Variants in SHANK2 observed in about 807,000 individuals in gnomAD.
SHANK2 encodes SH3 and multiple ankyrin repeat domains protein 2.
SHANK2 carries 43 observed loss-of-function variants against 133.7 expected under a neutral mutation model. The observed-to-expected ratio is 0.32, with a 90% CI of 0.25 to 0.41. The LOEUF (loss-of-function observed/expected upper bound fraction) is 0.41, where lower values mean the gene tolerates loss of function less well. Among genes scored for constraint, SHANK2 ranks in the 10% least tolerant of loss-of-function variants. The pLI is 1.00. For missense variants in SHANK2, 1,994 were observed against 2,235.8 expected (o/e 0.89, Z 2.18); for synonymous variants, 1,017 against 952.8 (o/e 1.07, Z -1.24).
chr11:70,738,899 C>A (rs59979231), intron 14 of SHANK2, among the ~76,000 whole-genome samples: 1 of 152,098 alleles, frequency 6.6e-6, no homozygotes, highest in South Asian at 2.1e-4. Flanking sequence ...TGCTGCCCCC[C>A]TCGAATGGAG....
intron 17 of SHANK2, among the ~76,000 whole-genome samples, chr11:70,597,434 G>A (rs4980622): frequency 0.19 from 29,460 of 152,092 alleles, 3,150 homozygotes; most frequent in East Asian, 0.39. Context: ...CCCCCTGAGA[G>A]GCGGCCAGTG....
rs1555100988 is a variant in SHANK2, at chr11:71,119,035, G to T, written c.208-3C>A. 1 of 1,551,526 alleles carries T rather than the reference G, an allele frequency of 6.4e-7. No individual in the cohort carries two copies. The highest frequency in any genetic ancestry group is 2.4e-5 in the East Asian group (1 of 40,922). On this transcript the variant is annotated splice_region_variant and splice_polypyrimidine_tract_variant and intron_variant, in intron 3 of 25. Coordinates refer to ENST00000601538, the MANE Select transcript of SHANK2 (RefSeq NM_012309.5). ...TCCGGGTTAAATCGAATGCATTTCT[G>T]CCAGGAAGGACAAAGACAGCTGATG...
chr11:70,685,209 C>G (rs1469617709), intron 15 of SHANK2, among the ~76,000 whole-genome samples: 2 of 152,150 alleles, frequency 1.3e-5, no homozygotes, highest in African/African-American at 4.8e-5. Context: ...GAAAAAAGCT[C>G]CCAACCTCCA....
chr11:70,531,383 AC>A (rs1207955966), intron 17 of SHANK2, among the ~76,000 whole-genome samples: 1 of 152,108 alleles, frequency 6.6e-6, no homozygotes, highest in African/African-American at 2.4e-5. Context: ...ATGCAAATGC[AC>A]CCACGCGCCC....
At chr11:71,126,851 G>A (rs1237735525) in intron 3 of SHANK2, among the ~76,000 whole-genome samples, 38 of 151,714 alleles carry the variant, frequency 2.5e-4, no homozygotes, top group Non-Finnish European at 5.0e-4. Context: ...GGGACTACAG[G>A]TGCCCACCAC....
chr11:70,654,608 AT>A (rs1486885514), intron 17 of SHANK2, among the ~76,000 whole-genome samples: 3 of 152,062 alleles, frequency 2.0e-5, no homozygotes, highest in African/African-American at 7.2e-5. Flanking sequence ...TCTGGTTGGT[AT>A]TAAGAGCTCC....
At chr11:70,742,653 G>A (rs567780281) in intron 14 of SHANK2, among the ~76,000 whole-genome samples, 20 of 152,278 alleles carry the variant, frequency 1.3e-4, no homozygotes, top group South Asian at 1.2e-3. Flanking sequence ...GGCCCAGGAC[G>A]CGGAATGAAT....
intron 17 of SHANK2, among the ~76,000 whole-genome samples, chr11:70,531,357 G>C: frequency 6.6e-6 from 1 of 152,196 alleles, no homozygotes. Context: ...CACTCTTTGG[G>C]GTCTTGGAGG....
At chr11:71,205,112 T>C (rs1954102757) in intron 2 of SHANK2, among the ~76,000 whole-genome samples, 2 of 152,092 alleles carry the variant, frequency 1.3e-5, no homozygotes, top group Non-Finnish European at 2.9e-5. Context: ...AGCCCTGGAT[T>C]CCGTAGCACC....
At chr11:70,524,997 G>C (rs1182287022) in intron 17 of SHANK2, among the ~76,000 whole-genome samples, 7 of 152,266 alleles carry the variant, frequency 4.6e-5, no homozygotes, top group African/African-American at 1.7e-4. Flanking sequence ...CTGCAAGCCT[G>C]CCCGCTTCTA....
In SHANK2 at chr11:71,211,701, A is replaced by G. The variant is rs1305421275; in HGVS notation, c.-13+12996T>C. On this transcript the variant is annotated intron_variant, in intron 2 of 25. Transcript: ENST00000601538. ...TAGCCATCACTCCTCAAGCTCCCCC[A>G]TCCTCTCCCTCAGTCTCTCCCCAAC... 2.0e-5 allele frequency among the ~76,000 whole-genome samples: 3 copies of G among 150,282 alleles called. No homozygotes were observed. The East Asian group carries it at 5.9e-4, about 30-fold the overall frequency.
At chr11:71,078,172 T>TAA (rs1269738710) in intron 8 of SHANK2, among the ~76,000 whole-genome samples, 2,602 of 142,130 alleles carry the variant, frequency 0.018, 72 homozygotes, top group African/African-American at 0.058. Flanking sequence ...AAGGAAATGG[T>TAA]AAAAAAAAAA....
At chr11:70,902,963 C>T (rs903079280) in intron 10 of SHANK2, among the ~76,000 whole-genome samples, 1 of 152,196 alleles carries the variant, frequency 6.6e-6, no homozygotes, top group African/African-American at 2.4e-5. Context: ...CTCCAGGAGA[C>T]AGCACGGCCC....
intron 17 of SHANK2, among the ~76,000 whole-genome samples, chr11:70,613,763 G>GTTTTTTTTTTTTT (rs57180024): frequency 4.0e-5 from 5 of 123,774 alleles, no homozygotes; most frequent in Non-Finnish European, 7.9e-5. Context: ...AGGGGAACTT[G>GTTTTTTTTTTTTT]TTTTTTTTTT....
At chr11:70,824,562 A>G (rs1171145018) in intron 11 of SHANK2, among the ~76,000 whole-genome samples, 2 of 152,154 alleles carry the variant, frequency 1.3e-5, no homozygotes, top group Admixed American at 6.5e-5. Flanking sequence ...CTCTCCTTCC[A>G]GAGCCCCTCG....
intron 14 of SHANK2, among the ~76,000 whole-genome samples, chr11:70,718,276 C>T (rs117365386): frequency 2.0e-5 from 3 of 152,336 alleles, no homozygotes; most frequent in South Asian, 2.1e-4. Flanking sequence ...CGGTCTTGGC[C>T]GTTCAGAGCC....
chr11:70,952,243 C>G (rs947392238), intron 10 of SHANK2, among the ~76,000 whole-genome samples: 1 of 152,196 alleles, frequency 6.6e-6, no homozygotes, highest in Admixed American at 6.5e-5. Flanking sequence ...GGGCGTCTCT[C>G]CTGGCCGAGG....
chr11:70,568,132 G>A (rs782422786), intron 17 of SHANK2, among the ~76,000 whole-genome samples: 6 of 152,210 alleles, frequency 3.9e-5, no homozygotes, highest in Non-Finnish European at 8.8e-5. Context: ...CCAGTGAAAG[G>A]GTCAGGGCAA....
intron 10 of SHANK2, among the ~76,000 whole-genome samples, chr11:70,907,479 C>T (rs551741887): frequency 3.2e-4 from 49 of 152,292 alleles, no homozygotes; most frequent in African/African-American, 1.2e-3. Context: ...TCTCAGGCTC[C>T]TGAAACTGAG....
Sources: allele counts gnomAD v4.1 joint callset (sites outside exome capture counted in the v4.1 genomes callset), GRCh38; gene constraint gnomAD v4.1.1; transcripts MANE v1.5; gene names NCBI Gene and HGNC (gene_info 2026-07-23, HGNC 2026-07-21).